CACNA1E: variants seen among roughly 807,000 people sequenced by gnomAD.
CACNA1E encodes calcium voltage-gated channel subunit alpha1 E, also known as voltage-dependent R-type calcium channel subunit alpha-1E.
CACNA1E carries 40 observed loss-of-function variants against 259.2 expected under a neutral mutation model. The ratio of observed to expected loss-of-function variants is 0.15; its 90% CI spans 0.12 to 0.20. The LOEUF is 0.20. Among genes scored for constraint, CACNA1E ranks in the 10% least tolerant of loss-of-function variants. CACNA1E has a pLI of 1.00. For missense variants in CACNA1E, 1,874 were observed against 3,040.1 expected (o/e 0.62, Z 9.02); for synonymous variants, 1,104 against 1,138.5 (o/e 0.97, Z 0.61).
intron 1 of CACNA1E, among the ~76,000 whole-genome samples, chr1:181,341,357 G>C (rs1325819761): frequency 6.6e-6 from 1 of 152,206 alleles, no homozygotes; most frequent in East Asian, 1.9e-4. Flanking sequence ...GTCATTCCTA[G>C]AGGTTGCATT....
At chr1:181,720,455 C>A in intron 14 of CACNA1E, 118 bp downstream of exon 14, 1 of 1,075,206 alleles carries the variant, frequency 9.3e-7, no homozygotes. Flanking sequence ...TGCCCATGGC[C>A]TGAATTAACC....
intron 1 of CACNA1E, among the ~76,000 whole-genome samples, chr1:181,340,925 C>T (rs1050319311): frequency 2.0e-5 from 3 of 152,126 alleles, no homozygotes; most frequent in Admixed American, 6.5e-5. Flanking sequence ...TCCATTTGAT[C>T]CTTACAATTA....
chr1:181,723,386 C>T (rs547256240), intron 16 of CACNA1E, among the ~76,000 whole-genome samples: 1 of 152,156 alleles, frequency 6.6e-6, no homozygotes, highest in Non-Finnish European at 1.5e-5. Context: ...GTCTAAAGAC[C>T]TTTTGAATGT....
intron 2 of CACNA1E, among the ~76,000 whole-genome samples, chr1:181,451,129 G>A (rs773961995): frequency 1.7e-4 from 26 of 152,190 alleles, no homozygotes; most frequent in African/African-American, 2.9e-4. Context: ...CTTCTGTGCT[G>A]TTGACGAATA....
At chr1:181,713,881 A>G (rs961183580) in intron 8 of CACNA1E, among the ~76,000 whole-genome samples, 2 of 152,204 alleles carry the variant, frequency 1.3e-5, no homozygotes, top group Non-Finnish European at 2.9e-5. Flanking sequence ...TCCCCTTCAG[A>G]TGATGACACC....
At chr1:181,408,905 G>A (rs946016122) in intron 1 of CACNA1E, among the ~76,000 whole-genome samples, 2 of 152,148 alleles carry the variant, frequency 1.3e-5, no homozygotes, top group African/African-American at 4.8e-5. Context: ...GTGAGCTATA[G>A]GACAGCAACT....
chr1:181,666,346 C>T (rs1447148843), intron 7 of CACNA1E, among the ~76,000 whole-genome samples: 1 of 152,046 alleles, frequency 6.6e-6, no homozygotes, highest in Admixed American at 6.6e-5. Flanking sequence ...AGGAATACAG[C>T]AGGGAACAAA....
intron 6 of CACNA1E, among the ~76,000 whole-genome samples, chr1:181,596,224 G>A (rs1653143325): frequency 6.6e-6 from 1 of 152,150 alleles, no homozygotes; most frequent in South Asian, 2.1e-4. Flanking sequence ...TTTGCTGGGG[G>A]ATCTTGAAGA....
intron 1 of CACNA1E, among the ~76,000 whole-genome samples, chr1:181,502,663 C>T (rs1572036229): frequency 6.6e-6 from 1 of 152,274 alleles, no homozygotes; most frequent in Non-Finnish European, 1.5e-5. Flanking sequence ...GGGAGCTGGA[C>T]TGGCCAGGGC....
At chr1:181,765,561 C>G (rs757647983) in intron 34 of CACNA1E, among the ~76,000 whole-genome samples, 8 of 152,202 alleles carry the variant, frequency 5.3e-5, no homozygotes, top group Non-Finnish European at 8.8e-5. Context: ...TAAATAGTCT[C>G]ATAGGGCTCT....
intron 2 of CACNA1E, among the ~76,000 whole-genome samples, chr1:181,449,343 T>C (rs1273371353): frequency 1.3e-5 from 2 of 152,224 alleles, no homozygotes; most frequent in African/African-American, 4.8e-5. Context: ...TATACACATA[T>C]ATGTGTGCTC....
chr1:181,634,966 C>T (rs1026026260), intron 6 of CACNA1E, among the ~76,000 whole-genome samples: 3 of 152,188 alleles, frequency 2.0e-5, no homozygotes, highest in African/African-American at 7.2e-5. Flanking sequence ...GCAAGAAGTC[C>T]CACAGGGAAG....
chr1:181,620,185 T>C (rs1465685364), intron 6 of CACNA1E, among the ~76,000 whole-genome samples: 2 of 152,154 alleles, frequency 1.3e-5, no homozygotes, highest in Non-Finnish European at 2.9e-5. Context: ...AAGATAGCCA[T>C]GTAGAGCAAG....
At chr1:181,398,173 C>G (rs1656827106) in intron 1 of CACNA1E, among the ~76,000 whole-genome samples, 1 of 152,174 alleles carries the variant, frequency 6.6e-6, no homozygotes, top group Non-Finnish European at 1.5e-5. Flanking sequence ...CAGGCTCTAC[C>G]CAGATGCCTT....
chr1:181,435,098 A>G (rs12405983), intron 2 of CACNA1E, among the ~76,000 whole-genome samples: 19,404 of 152,258 alleles, frequency 0.13, 1,454 homozygotes, highest in South Asian at 0.29. Flanking sequence ...TCAAAAGATC[A>G]TAAGTCAAAC....
In CACNA1E at chr1:181,679,826, C is replaced by T. The variant is rs368286469; in HGVS notation, c.1055+28385C>T. ...CCATGTTCAGAAGGGCATCAAAGTC[C>T]GGGTGAGGCTGATCTTCTAAAGTTA... On this transcript the variant is annotated intron_variant, in intron 7 of 47. Transcript: ENST00000367573. Among the ~76,000 whole-genome samples the T allele has an allele frequency of 1.8e-3, 276 of 152,204 alleles. 2 individuals are homozygous for T. The highest frequency in any genetic ancestry group is 6.2e-3 in the African/African-American group (258 of 41,524).
chr1:181,725,747 G>A (rs1015593195), intron 17 of CACNA1E, among the ~76,000 whole-genome samples: 4 of 152,346 alleles, frequency 2.6e-5, no homozygotes, highest in Middle Eastern at 3.4e-3. Flanking sequence ...GACCTCCACA[G>A]CCATAGCCAG....
In CACNA1E at chr1:181,733,445, G is replaced by A; in HGVS notation, c.2957G>A (p.Ser986Asn). The A allele has an allele frequency of 1.3e-6, 2 of 1,533,410 alleles. No homozygotes were observed. The highest frequency in any genetic ancestry group is 1.8e-6 in the Non-Finnish European group (2 of 1,139,368). The allele number at this position is 1,533,410 out of a possible 1,614,324, so 95.0% of individuals were successfully genotyped here. A position where few individuals can be genotyped will look rare whatever the true frequency, so the allele number is the denominator to read the frequency against. ...TTCCTCTCTCTTCACAGGACCAACAGTCTGATGGTGTCCAGAGGCTCCGGG... is the reference window on the plus strand; with the variant it reads ...TTCCTCTCTCTTCACAGGACCAACAATCTGATGGTGTCCAGAGGCTCCGGG... ...ERAQDLRRTN[S>N]LMVSRGSGLA... Residue 986 changes from serine to asparagine, a missense_variant, in exon 21 of 48, where the codon AGT becomes AAT. Around this residue, in one of 14 missense-constraint regions of CACNA1E, gnomAD observed 476 missense variants for 514.0 expected, o/e 0.93. Coordinates refer to ENST00000367573, the MANE Select transcript of CACNA1E (RefSeq NM_001205293.3).
At chr1:181,477,938 AG>A (rs1303167108) in intron 2 of CACNA1E, among the ~76,000 whole-genome samples, 1 of 152,240 alleles carries the variant, frequency 6.6e-6, no homozygotes, top group African/African-American at 2.4e-5. Flanking sequence ...CTCTGGTTCA[AG>A]GTCATGCCTT....
Sources: allele counts gnomAD v4.1 joint callset (sites outside exome capture counted in the v4.1 genomes callset), GRCh38; gene constraint gnomAD v4.1.1; regional missense constraint gnomAD v4.1.1; transcripts MANE v1.5; gene names NCBI Gene and HGNC (gene_info 2026-07-23, HGNC 2026-07-21).